The following COL6A3 variants were observed in gnomAD, a reference collection of about 807,000 sequenced individuals.
The protein encoded by COL6A3 is collagen alpha-3(VI) chain.
COL6A3 carries 137 observed loss-of-function variants against 274.1 expected under a neutral mutation model. The observed-to-expected ratio is 0.50, with a 90% CI of 0.44 to 0.58. The LOEUF is 0.58. COL6A3 is among the 20% of genes least tolerant of loss of function. The probability of loss-of-function intolerance (pLI) is 0.00; values close to 1 mark genes in which losing one functional copy is unlikely to be tolerated. For synonymous variants in COL6A3, 1,650 were observed against 1,650.6 expected (o/e 1.00, Z 0.01); for missense variants, 3,950 against 4,124.9 (o/e 0.96, Z 1.16).
rs2077690601 is a variant in COL6A3 at position 237,371,711 on chromosome 2, C to A, written c.4285+21G>T. 6.4e-7 allele frequency: 1 copy of A among 1,564,788 alleles called. No homozygotes were observed. Among genetic ancestry groups the A allele is most frequent in the Non-Finnish European group, 8.7e-7 (1 of 1,155,440 alleles). On this transcript the variant is annotated intron_variant, in intron 9 of 43. Coordinates refer to ENST00000295550, the MANE Select transcript of COL6A3 (RefSeq NM_004369.4). This position sits in a 1 kb window ranked among gnomAD's most constrained non-coding sequence, Gnocchi z 4.3. ...CATATGGAAAATGCTCCAAGGAGAA[C>A]CTCCGACGCCCCCATCTCACCTGGA... is the stretch of plus-strand genomic sequence containing the variant.
chr2:237,412,696 G>GT (rs1358918088), intron 1 of COL6A3, among the ~76,000 whole-genome samples: 2 of 152,194 alleles, frequency 1.3e-5, no homozygotes, highest in East Asian at 3.9e-4. Context: ...CATTTCGGTT[G>GT]TTTTTTACAG....
rs529827991 is a variant in COL6A3, at chr2:237,378,914, C to T, written c.2219G>A (p.Arg740His). The change falls in exon 6 of 44, where the codon CGT becomes CAT. Residue 740 changes from arginine (R) to histidine (H), a missense_variant. By Grantham distance (29) the Arg-to-His change is conservative. Transcript: ENST00000295550. ...AAGCAGGAGCTGCGGCACGTGTTCACGGATCCTGCTGCCGCCAGCTTCCGT... is the reference window on the plus strand; with the variant it reads ...AAGCAGGAGCTGCGGCACGTGTTCATGGATCCTGCTGCCGCCAGCTTCCGT... ...HFTEAGGSRI[R>H]EHVPQLLLLL... is the part of the protein sequence containing the mutation. 53 of 1,614,208 alleles carry T rather than the reference C, an allele frequency of 3.3e-5. No individual in the cohort carries two copies. The highest frequency in any genetic ancestry group is 1.6e-4 in the Middle Eastern group (1 of 6,062).
At position 237,379,206 on chromosome 2, in the gene COL6A3, G is replaced by A; in HGVS notation, c.1927C>T (p.Leu643Phe). 3 of 1,614,170 alleles carry A rather than the reference G, an allele frequency of 1.9e-6. No homozygotes were observed. The highest frequency in any genetic ancestry group is 2.5e-6 in the Non-Finnish European group (3 of 1,180,014). ...VHSNKRDIIF[L>F]LDGSANVGKT... ...CCAACGTTGGCTGATCCATCCAAAA[G>A]AAAGATGATATCCCTTTTGTTTGAG... Residue 643 changes from leucine to phenylalanine, a missense_variant, in exon 6 of 44, where the codon CTT becomes TTT. Leu to Phe is a conservative substitution (Grantham distance 22, BLOSUM62 0). This residue lies in a region of COL6A3 where 1,934 missense variants were observed against 1,984.3 expected (regional missense o/e 0.97). Transcript: ENST00000295550.
chr2:237,388,732 CTAT>C (rs1237649250), intron 3 of COL6A3, among the ~76,000 whole-genome samples: 1 of 152,206 alleles, frequency 6.6e-6, no homozygotes, highest in Non-Finnish European at 1.5e-5. Flanking sequence ...CCTTCAGAAA[CTAT>C]TGTTTCTTCT....
Position 237,336,433 on chromosome 2 carries a change from A to G in COL6A3, c.8667T>C (p.Pro2889=), listed in dbSNP as rs1700551272. The G allele has an allele frequency of 1.9e-6, 3 of 1,613,794 alleles. No individual in the cohort carries two copies. The highest frequency in any genetic ancestry group is 1.7e-6 in the Non-Finnish European group (2 of 1,180,014). ...TTKPVTTTTK[P]VTTTTKPVTI... is the part of the protein sequence containing the mutation. The stretch of plus-strand genomic sequence containing the variant: ...TCACAGGCTTTGTTGTGGTGGTTAC[A>G]GGCTTTGTTGTGGTGGTCACCGGCT... Residue 2889 remains proline, a synonymous_variant, in exon 40 of 44, where the codon CCT becomes CCC. Transcript: ENST00000295550.
At chr2:237,346,695 T>A in intron 31 of COL6A3, 130 bp from the exon 32 acceptor site, 1 of 797,612 alleles carries the variant, frequency 1.3e-6, no homozygotes, top group Non-Finnish European at 2.1e-6. Context: ...TCTCTCACTT[T>A]AAGGGAGCTA....
At chr2:237,375,057 T>A (rs1201120723) in intron 7 of COL6A3, 37 bp from the exon 8 acceptor site, 2 of 1,611,168 alleles carry the variant, frequency 1.2e-6, no homozygotes, top group South Asian at 2.2e-5. Context: ...ACACAGGACA[T>A]CAGAGCAGCA....
chr2:237,324,809 C>T lies in COL6A3; in HGVS notation c.9499G>A (p.Ala3167Thr), dbSNP rs537511128. ...ATCACACTGATGACTCCGGGTTTGG[C>T]GAGCACTGAGCGTCGAGAGAGGGGG... ...ECEKVCAPVLAKPGVISVMGT is the reference protein window; with the variant it reads ...ECEKVCAPVLTKPGVISVMGT Residue 3167 changes from alanine to threonine, a missense_variant, in exon 44 of 44, where the codon GCC becomes ACC. This residue lies in a region of COL6A3 where 1,284 missense variants were observed against 1,349.7 expected (regional missense o/e 0.95). Coordinates refer to ENST00000295550, the MANE Select transcript of COL6A3 (RefSeq NM_004369.4). The T allele has an allele frequency of 1.7e-4, 271 of 1,613,378 alleles. No homozygotes were observed. Among genetic ancestry groups the T allele is most frequent in the Non-Finnish European group, 2.2e-4 (259 of 1,179,966 alleles).
Position 237,371,235 on chromosome 2 carries a change from C to T in COL6A3, c.4285+497G>A, listed in dbSNP as rs1227250395. On this transcript the variant is annotated intron_variant, in intron 9 of 43. Coordinates refer to ENST00000295550, the MANE Select transcript of COL6A3 (RefSeq NM_004369.4). This position sits in a 1 kb window ranked among gnomAD's most constrained non-coding sequence, Gnocchi z 4.3. ...CCACGGTATGCATTCTCCCTGGATG[C>T]CATGAGCAATAGACCCAACTTGTTC... Among the ~76,000 whole-genome samples, 2 of 152,170 alleles carry T rather than the reference C, an allele frequency of 1.3e-5. No individual in the cohort carries two copies. The highest frequency in any genetic ancestry group is 2.9e-5 in the Non-Finnish European group (2 of 68,032).
rs1699901008 is a variant in COL6A3 at position 237,325,655 on chromosome 2, T to C, written c.9398A>G (p.Asn3133Ser). 3.1e-6 allele frequency: 5 copies of C among 1,614,036 alleles called. No individual in the cohort carries two copies. The South Asian group carries it at 4.4e-5, about 14-fold the overall frequency. The change falls in exon 43 of 44, where the codon AAC (asparagine) becomes AGC (serine). Residue 3133 changes from asparagine to serine, a missense_variant. This residue lies in a region of COL6A3 where 1,284 missense variants were observed against 1,349.7 expected (regional missense o/e 0.95). Coordinates refer to ENST00000295550, the MANE Select transcript of COL6A3 (RefSeq NM_004369.4). ...DFILKWYYDP[N>S]TKSCARFWYG... ...CCAGAATCTTGCACAGCTTTTGGTG[T>C]TTGGATCATAGTACCATTTTAATAT...
rs1310869602 is a variant in COL6A3 at position 237,340,936 on chromosome 2, G to T, written c.7980C>A (p.His2660Gln). Residue 2660 changes from histidine to glutamine, a missense_variant, in exon 38 of 44, where the codon CAC becomes CAA. Physicochemically the swap from His to Gln is conservative, Grantham distance 24. Transcript: ENST00000295550. ...GCTGCACAACTGCCACTCTGGCGAAGTGCTGGGAGGCCTTGGGATCTGGGC... is the reference window on the plus strand; with the variant it reads ...GCTGCACAACTGCCACTCTGGCGAATTGCTGGGAGGCCTTGGGATCTGGGC... ...DMSPDPKASQ[H>Q]FARVAVVQHA... is the part of the protein sequence containing the mutation. The T allele has an allele frequency of 1.2e-6, 2 of 1,613,554 alleles. No individual in the cohort carries two copies. Among genetic ancestry groups the T allele is most frequent in the Non-Finnish European group, 1.7e-6 (2 of 1,179,600 alleles).
chr2:237,382,831 A>C (rs1163736053), intron 4 of COL6A3, among the ~76,000 whole-genome samples: 4 of 152,182 alleles, frequency 2.6e-5, no homozygotes, highest in Admixed American at 2.6e-4. Flanking sequence ...TCTATCACCC[A>C]GGCTGGAGTG....
At chr2:237,400,334 T>C (rs752482399) in intron 1 of COL6A3, among the ~76,000 whole-genome samples, 2 of 152,208 alleles carry the variant, frequency 1.3e-5, no homozygotes, top group Non-Finnish European at 2.9e-5. Context: ...ATTGGTTTTA[T>C]ATCCCCTGCA....
chr2:237,396,545 T>A (rs1425779047), intron 2 of COL6A3, among the ~76,000 whole-genome samples, 182 bp downstream of exon 2: 1 of 152,254 alleles, frequency 6.6e-6, no homozygotes, highest in Non-Finnish European at 1.5e-5. Flanking sequence ...CATCTCTCAC[T>A]GGATAAAGAG....
chr2:237,409,997 C>G (rs1301024389), intron 1 of COL6A3, among the ~76,000 whole-genome samples: 1 of 152,184 alleles, frequency 6.6e-6, no homozygotes, highest in Non-Finnish European at 1.5e-5. Context: ...ACACTTACAC[C>G]TGAGCAGAGA....
chr2:237,409,192 T>C (rs2078792995), intron 1 of COL6A3, among the ~76,000 whole-genome samples: 1 of 152,228 alleles, frequency 6.6e-6, no homozygotes, highest in African/African-American at 2.4e-5. Flanking sequence ...TTTTTTGATA[T>C]TTCAATTAGC....
rs2077937428 is a variant in COL6A3, at chr2:237,379,215, T to A, written c.1918A>T (p.Ile640Phe). 6.2e-7 allele frequency: 1 copy of A among 1,614,066 alleles called. No individual in the cohort carries two copies. The highest frequency in any genetic ancestry group is 8.5e-7 in the Non-Finnish European group (1 of 1,180,020). The change falls in exon 6 of 44, where the codon ATC becomes TTC. Residue 640 changes from isoleucine to phenylalanine, a missense_variant. By Grantham distance (21) the Ile-to-Phe change is conservative. This residue lies in a region of COL6A3 where 1,934 missense variants were observed against 1,984.3 expected (regional missense o/e 0.97). Transcript: ENST00000295550. The stretch of plus-strand genomic sequence containing the variant: ...GCTGATCCATCCAAAAGAAAGATGA[T>A]ATCCCTTTTGTTTGAGTGAACTGCA... The part of the protein sequence containing the change: ...TPEVHSNKRD[I>F]IFLLDGSANV...
In COL6A3 at chr2:237,378,954, A is replaced by G. The variant is rs760089575; in HGVS notation, c.2179T>C (p.Tyr727His). The change falls in exon 6 of 44, where the codon TAT becomes CAT. Residue 727 changes from tyrosine to histidine, a missense_variant. Transcript: ENST00000295550. Reference sequence around the variant, plus strand: ...CCAGCTTCCGTGAAGTGGTTGGCATAGACATAGCTTAGGGCTGAGCCTGTG... The same window carrying G: ...CCAGCTTCCGTGAAGTGGTTGGCATGGACATAGCTTAGGGCTGAGCCTGTG... ...LNTGSALSYVYANHFTEAGGS... is the reference protein window; with the variant it reads ...LNTGSALSYVHANHFTEAGGS... 13 of 1,614,096 alleles carry G rather than the reference A, an allele frequency of 8.1e-6. No individual in the cohort carries two copies. The South Asian group carries it at 1.1e-4, about 14-fold the overall frequency.
At position 237,357,369 on chromosome 2, in the gene COL6A3, A is replaced by T; in HGVS notation, c.6560T>A (p.Val2187Glu). ...CCCAGTTTCTCCAGGTCCTCCAGGT[A>T]CTCCATCTCTCCCTGGGACACCCTG... ...GPMGVPGRDG[V>E]PGGPGETGKN... Residue 2187 changes from valine to glutamate, a missense_variant, in exon 23 of 44, where the codon GTA becomes GAA. By Grantham distance (121) the Val-to-Glu change is moderately radical (BLOSUM62 -2). This residue lies in a region of COL6A3 where 1,284 missense variants were observed against 1,349.7 expected (regional missense o/e 0.95). Coordinates refer to ENST00000295550, the MANE Select transcript of COL6A3 (RefSeq NM_004369.4). The T allele has an allele frequency of 6.2e-7, 1 of 1,613,906 alleles. No individual in the cohort carries two copies. Among genetic ancestry groups the T allele is most frequent in the Non-Finnish European group, 8.5e-7 (1 of 1,179,840 alleles).
Sources: allele counts gnomAD v4.1 joint callset (sites outside exome capture counted in the v4.1 genomes callset), GRCh38; gene constraint gnomAD v4.1.1; regional missense constraint gnomAD v4.1.1; non-coding constraint Gnocchi (gnomAD v3.1); transcripts MANE v1.5; gene names NCBI Gene and HGNC (gene_info 2026-07-23, HGNC 2026-07-21).